FAM184A: variants seen among roughly 807,000 people sequenced by gnomAD.
FAM184A encodes the protein protein FAM184A.
FAM184A carries 99 observed loss-of-function variants against 143.8 expected under a neutral mutation model. The observed-to-expected ratio is 0.69, with a 90% CI of 0.58 to 0.81. The LOEUF (loss-of-function observed/expected upper bound fraction) is 0.81. FAM184A is among the 40% of genes least tolerant of loss of function. The pLI is 0.00. For synonymous variants in FAM184A, 427 were observed against 446.4 expected, an observed-to-expected ratio of 0.96 and a Z score of 0.55; for missense variants, 1,217 against 1,310.5, an observed-to-expected ratio of 0.93 and a Z score of 1.10.
intron 6 of FAM184A, among the ~76,000 whole-genome samples, chr6:119,009,773 T>C (rs1785034843): frequency 6.6e-6 from 1 of 152,210 alleles, no homozygotes; most frequent in African/African-American, 2.4e-5. Flanking sequence ...TGTCTGTCCA[T>C]AGTAGTAGGG....
rs1271114342 is a variant in FAM184A at position 119,095,364 on chromosome 6, C to CT, written c.-202+53713dup. ...CATTGGTGAGTTCCTGTTAGGTGTT[C>CT]TTTTTTTACACTTTTTATTAAGTTC... On this transcript the variant is annotated intron_variant, in intron 1 of 16. Transcript: ENST00000352896. 2.0e-5 allele frequency among the ~76,000 whole-genome samples: 3 copies of CT among 151,972 alleles called. No homozygotes were observed. The East Asian group carries it at 5.8e-4, about 29-fold the overall frequency.
At position 119,058,175 on chromosome 6, in the gene FAM184A, C is replaced by CTT. The variant is rs5879483; in HGVS notation, c.159+19964_159+19965dup. Among the ~76,000 whole-genome samples, 182 of 89,734 alleles carry CTT rather than the reference C, an allele frequency of 2.0e-3. 9 individuals are homozygous for CTT. Among genetic ancestry groups the CTT allele is most frequent in the African/African-American group, 7.4e-3 (132 of 17,932 alleles). 58.9% of individuals were successfully genotyped at this position (89,734 alleles called of 152,430 possible). ...AAGTAGAGTCCAATTCTCCTTCTCT[C>CTT]TTTTTTTTTTTTTTTTTTTTTTTTT... is the stretch of plus-strand genomic sequence containing the variant. On this transcript the variant is annotated intron_variant, in intron 1 of 17. Transcript: ENST00000338891.
intron 1 of FAM184A, among the ~76,000 whole-genome samples, chr6:119,093,152 C>T (rs368741980): frequency 6.6e-6 from 1 of 152,162 alleles, no homozygotes; most frequent in Non-Finnish European, 1.5e-5. Flanking sequence ...TGCCACTAAC[C>T]TTTCATAAAA....
intron 9 of FAM184A, among the ~76,000 whole-genome samples, chr6:118,981,024 C>A (rs1784003385): frequency 6.6e-6 from 1 of 152,144 alleles, no homozygotes; most frequent in Non-Finnish European, 1.5e-5. Flanking sequence ...ATGTCTCAAA[C>A]GTCCCACAAT....
At chr6:118,977,003 A>G (rs1783866381) in intron 11 of FAM184A, among the ~76,000 whole-genome samples, 1 of 152,238 alleles carries the variant, frequency 6.6e-6, no homozygotes, top group African/African-American at 2.4e-5. Flanking sequence ...ACAAAACTAC[A>G]TATGCAGCTG....
intron 1 of FAM184A, among the ~76,000 whole-genome samples, chr6:119,087,337 G>A (rs2114815248): frequency 6.6e-6 from 1 of 152,308 alleles, no homozygotes; most frequent in African/African-American, 2.4e-5. Flanking sequence ...TGCAGACCAT[G>A]CTTCTGATAA....
At chr6:119,092,365 G>C (rs1788393357) in intron 1 of FAM184A, among the ~76,000 whole-genome samples, 1 of 152,036 alleles carries the variant, frequency 6.6e-6, no homozygotes, top group African/African-American at 2.4e-5. Flanking sequence ...TTGAACTCTT[G>C]GGCTCAAGCA....
intron 1 of FAM184A, among the ~76,000 whole-genome samples, chr6:119,122,179 A>T (rs1789232052): frequency 6.6e-6 from 1 of 152,192 alleles, no homozygotes; most frequent in East Asian, 1.9e-4. Context: ...GAAGCACTAC[A>T]GAGACAGCCC....
rs113060450 is a variant in FAM184A at position 119,140,663 on chromosome 6, G to T, written c.-202+8415C>A. On this transcript the variant is annotated intron_variant, in intron 1 of 16. Coordinates refer to the FAM184A transcript ENST00000352896. ...CCTTCCTTCTCTGCTGTTGCAGTTT[G>T]AAGTCTCAAGGGCACCAGCAGAACA... 6.2e-4 allele frequency among the ~76,000 whole-genome samples: 95 copies of T among 152,282 alleles called. 1 individual carries two copies. The highest frequency in any genetic ancestry group is 2.2e-3 in the African/African-American group (92 of 41,548).
intron 1 of FAM184A, among the ~76,000 whole-genome samples, chr6:119,057,685 G>A (rs185304344): frequency 2.0e-5 from 3 of 152,296 alleles, no homozygotes; most frequent in East Asian, 3.9e-4. Context: ...GGAGGCTGCA[G>A]TAAGCCGTGA....
At chr6:119,083,620 C>A (rs895329206), upstream of FAM184A, among the ~76,000 whole-genome samples, 1 of 152,168 alleles carries the variant, frequency 6.6e-6, no homozygotes, top group African/African-American at 2.4e-5. Context: ...CAAAATGCTG[C>A]CAGTTTCTTT....
At chr6:118,995,233 A>G (rs1185097544) in intron 9 of FAM184A, among the ~76,000 whole-genome samples, 1 of 152,120 alleles carries the variant, frequency 6.6e-6, no homozygotes, top group Non-Finnish European at 1.5e-5. Flanking sequence ...CCTGGGTAAC[A>G]TGGTGAAAAC....
intron 1 of FAM184A, among the ~76,000 whole-genome samples, chr6:119,047,900 C>CA: frequency 6.6e-6 from 1 of 152,178 alleles, no homozygotes; most frequent in East Asian, 1.9e-4. Flanking sequence ...AGTCTGATAC[C>CA]AAAACCTAGC....
chr6:118,982,830 AATAGTTACAT>A (rs1289234867), intron 9 of FAM184A, among the ~76,000 whole-genome samples: 1 of 152,260 alleles, frequency 6.6e-6, no homozygotes, highest in Non-Finnish European at 1.5e-5. Flanking sequence ...CACAGTGCAT[AATAGTTACAT>A]ATTTAAAATC....
chr6:119,023,078 A>C lies in FAM184A; in HGVS notation c.1017T>G (p.Val339=). The stretch of plus-strand genomic sequence containing the variant: ...TGGCATCATCAAGCTGTTTTTGAAG[A>C]ACCTAAGAAAGATTAAATAGCCATT... The part of the protein sequence containing the change: ...ALAIAENNVQ[V]LQKQLDDAKE... Residue 339 remains valine (V), a splice_region_variant and synonymous_variant, in exon 3 of 18, where the codon GTT becomes GTG. Coordinates refer to ENST00000338891, the MANE Select transcript of FAM184A (RefSeq NM_024581.6). 6.2e-7 allele frequency: 1 copy of C among 1,614,026 alleles called. No individual in the cohort carries two copies. The highest frequency in any genetic ancestry group is 2.2e-5 in the East Asian group (1 of 44,872).
chr6:118,985,711 A>C (rs1184688627), intron 9 of FAM184A, among the ~76,000 whole-genome samples: 1 of 152,218 alleles, frequency 6.6e-6, no homozygotes, highest in African/African-American at 2.4e-5. Flanking sequence ...TAGCACCTAC[A>C]GATGAATTAT....
At chr6:119,144,123 C>G (rs372931289) in intron 1 of FAM184A, among the ~76,000 whole-genome samples, 1 of 150,392 alleles carries the variant, frequency 6.6e-6, no homozygotes, top group Non-Finnish European at 1.5e-5. Flanking sequence ...GTCAGAAGAT[C>G]GAGACCATCC....
intron 1 of FAM184A, among the ~76,000 whole-genome samples, chr6:119,126,358 A>T (rs1178500021): frequency 6.6e-6 from 1 of 152,204 alleles, no homozygotes; most frequent in Non-Finnish European, 1.5e-5. Context: ...CCCACCAAAG[A>T]TGTTCTCCCT....
chr6:118,960,211 A>G, intron 17 of FAM184A, 27 bp from the exon 18 acceptor site: 1 of 1,594,452 alleles, frequency 6.3e-7, no homozygotes, highest in Non-Finnish European at 8.6e-7. Context: ...AGAGACATGT[A>G]ACCCAGCATT....
Sources: allele counts gnomAD v4.1 joint callset (sites outside exome capture counted in the v4.1 genomes callset), GRCh38; gene constraint gnomAD v4.1.1; transcripts MANE v1.5; gene names NCBI Gene and HGNC (gene_info 2026-07-23, HGNC 2026-07-21).